MPPED2: variants seen among roughly 807,000 people sequenced by gnomAD.
The protein encoded by MPPED2 is metallophosphoesterase domain containing 2, also known as metallophosphoesterase MPPED2.
In MPPED2, 5 loss-of-function variants were observed where a neutral mutation model predicts 33.0. The observed-to-expected ratio is 0.15, with a 90% CI of 0.08 to 0.32. The LOEUF is 0.32. Among genes scored for constraint, MPPED2 ranks in the 10% least tolerant of loss-of-function variants. The pLI, the probability that MPPED2 is intolerant of heterozygous loss-of-function variation, is 1.00. For synonymous variants in MPPED2, 136 were observed against 141.9 expected (o/e 0.96, Z 0.29); for missense variants, 275 against 372.1 (o/e 0.74, Z 2.15).
At chr11:30,561,183 A>G (rs1372122962) in intron 2 of MPPED2, among the ~76,000 whole-genome samples, 1 of 152,196 alleles carries the variant, frequency 6.6e-6, no homozygotes, top group Non-Finnish European at 1.5e-5. Flanking sequence ...GCATAGATAT[A>G]TAATTTCTAC....
chr11:30,413,527 T>C (rs1217625473), intron 6 of MPPED2, among the ~76,000 whole-genome samples: 2 of 152,228 alleles, frequency 1.3e-5, no homozygotes. Context: ...CTTTCGGTTC[T>C]GTGAACCTGA....
chr11:30,418,046 T>A (rs573509038), intron 4 of MPPED2, among the ~76,000 whole-genome samples: 1 of 151,042 alleles, frequency 6.6e-6, no homozygotes, highest in Non-Finnish European at 1.5e-5. Context: ...AGGGGAGGAG[T>A]GAGGAGGGAG....
chr11:30,575,005 T>C (rs1227941628), intron 2 of MPPED2, among the ~76,000 whole-genome samples: 3 of 152,218 alleles, frequency 2.0e-5, no homozygotes, highest in Admixed American at 6.5e-5. Flanking sequence ...TTCTGTAACA[T>C]TGTTTTTATA....
intron 4 of MPPED2, among the ~76,000 whole-genome samples, chr11:30,425,219 C>G (rs548606903): frequency 6.6e-6 from 1 of 152,222 alleles, no homozygotes; most frequent in African/African-American, 2.4e-5. Flanking sequence ...AGGCAGCACA[C>G]GTGGACATCT....
downstream of MPPED2, chr11:30,410,112 C>T: frequency 7.1e-6 from 7 of 985,064 alleles, no homozygotes; most frequent in Non-Finnish European, 8.4e-6. Flanking sequence ...GGAAAAAAAT[C>T]ACTTATTCTA....
intron 2 of MPPED2, among the ~76,000 whole-genome samples, chr11:30,578,868 A>C (rs940834983): frequency 9.2e-5 from 14 of 152,208 alleles, no homozygotes; most frequent in Non-Finnish European, 1.6e-4. Flanking sequence ...TATTTTAACA[A>C]AGAAAAACTT....
At chr11:30,505,680 A>C (rs1474432955) in intron 3 of MPPED2, among the ~76,000 whole-genome samples, 4 of 152,222 alleles carry the variant, frequency 2.6e-5, no homozygotes, top group Admixed American at 6.5e-5. Context: ...ACCGCATCCA[A>C]ATCAAGGTTC....
intron 2 of MPPED2, among the ~76,000 whole-genome samples, chr11:30,542,078 G>A (rs1955151702): frequency 6.6e-6 from 1 of 152,216 alleles, no homozygotes; most frequent in Non-Finnish European, 1.5e-5. Context: ...ACAGGTTTAA[G>A]TTACCAGAAT....
At chr11:30,521,880 A>C (rs1171643790) in intron 3 of MPPED2, among the ~76,000 whole-genome samples, 3 of 152,182 alleles carry the variant, frequency 2.0e-5, no homozygotes, top group African/African-American at 7.2e-5. Flanking sequence ...TCTGAGTTGC[A>C]GCATCTGGAG....
intron 4 of MPPED2, among the ~76,000 whole-genome samples, chr11:30,441,568 A>G (rs1949573371): frequency 6.6e-6 from 1 of 152,196 alleles, no homozygotes; most frequent in Non-Finnish European, 1.5e-5. Context: ...TATGGATCCA[A>G]AAGATGCCCC....
At chr11:30,541,284 T>C (rs1955096381) in intron 2 of MPPED2, among the ~76,000 whole-genome samples, 1 of 152,160 alleles carries the variant, frequency 6.6e-6, no homozygotes, top group African/African-American at 2.4e-5. Flanking sequence ...TCACAAAAAA[T>C]ATGATAATAT....
At chr11:30,473,982 C>T (rs1226370436) in intron 4 of MPPED2, among the ~76,000 whole-genome samples, 1 of 152,248 alleles carries the variant, frequency 6.6e-6, no homozygotes, top group African/African-American at 2.4e-5. Flanking sequence ...ATCTTCATTA[C>T]TGTCTTGTGA....
chr11:30,477,286 G>C (rs1235012301), intron 4 of MPPED2, among the ~76,000 whole-genome samples: 1 of 151,990 alleles, frequency 6.6e-6, no homozygotes, highest in African/African-American at 2.4e-5. Context: ...ATCAATCCAA[G>C]AATCCTTATC....
At chr11:30,567,673 A>C (rs1956504571) in intron 2 of MPPED2, among the ~76,000 whole-genome samples, 1 of 152,246 alleles carries the variant, frequency 6.6e-6, no homozygotes, top group African/African-American at 2.4e-5. Context: ...CTGAGAAAGA[A>C]GACATACAAG....
At chr11:30,424,196 C>T (rs918489037) in intron 4 of MPPED2, among the ~76,000 whole-genome samples, 4 of 152,130 alleles carry the variant, frequency 2.6e-5, no homozygotes, top group Non-Finnish European at 5.9e-5. Flanking sequence ...TTCAGACAAG[C>T]GGTTACTTTG....
At chr11:30,560,598 C>A (rs186326594) in intron 2 of MPPED2, among the ~76,000 whole-genome samples, 6 of 152,198 alleles carry the variant, frequency 3.9e-5, no homozygotes, top group Admixed American at 1.3e-4. Context: ...CCGTAGAATG[C>A]CACAAATTTG....
chr11:30,398,259 AGAATAAT>A (rs1236642226), intron 6 of MPPED2, among the ~76,000 whole-genome samples: 1 of 152,174 alleles, frequency 6.6e-6, no homozygotes, highest in Non-Finnish European at 1.5e-5. Flanking sequence ...ACTGTGGATA[AGAATAAT>A]GAATAATGAA....
At chr11:30,500,726 TC>T (rs1395652178) in intron 3 of MPPED2, among the ~76,000 whole-genome samples, 1 of 152,226 alleles carries the variant, frequency 6.6e-6, no homozygotes, top group Non-Finnish European at 1.5e-5. Context: ...GTGACTTGTA[TC>T]CCCATAGACT....
chr11:30,562,863 T>C (rs1956293093), intron 2 of MPPED2, among the ~76,000 whole-genome samples: 1 of 152,172 alleles, frequency 6.6e-6, no homozygotes, highest in Admixed American at 6.6e-5. Flanking sequence ...ATTATTTTAT[T>C]AAATATTATT....
Sources: gnomAD v4.1 joint callset for allele counts (sites outside exome capture counted in the v4.1 genomes callset) on GRCh38, gnomAD v4.1.1 for gene constraint, MANE v1.5 for transcripts, NCBI Gene and HGNC (gene_info 2026-07-23, HGNC 2026-07-21) for gene names.